The following PECR variants were observed in gnomAD, a reference collection of about 807,000 sequenced individuals.
The protein encoded by PECR is peroxisomal trans-2-enoyl-CoA reductase.
A neutral mutation model predicts 35.3 loss-of-function variants in PECR; 30 were observed. That is an observed-to-expected ratio of 0.85 (90% CI 0.64 to 1.15). The LOEUF (loss-of-function observed/expected upper bound fraction) is 1.15. PECR is among the 50% of genes most tolerant of loss of function. The pLI is 0.00. For synonymous variants in PECR, 148 were observed against 138.9 expected, an observed-to-expected ratio of 1.07 and a Z score of -0.46; for missense variants, 392 against 370.8, an observed-to-expected ratio of 1.06 and a Z score of -0.47.
At chr2:216,077,528 C>T (rs1005898227) in intron 1 of PECR, among the ~76,000 whole-genome samples, 2 of 149,194 alleles carry the variant, frequency 1.3e-5, no homozygotes, top group African/African-American at 5.0e-5. Flanking sequence ...ACATGCAGGG[C>T]CGGGTGCAGT....
Position 216,065,361 on chromosome 2 carries a change from G to C in PECR, c.375C>G (p.His125Gln). 1 of 1,611,312 alleles carries C rather than the reference G, an allele frequency of 6.2e-7. No homozygotes were observed. ...PAEHISSKGW[H>Q]AVLETNLTGT... ...CCGTCAGGTTGGTCTCAAGCACAGC[G>C]TGCCATCCCTTAGAACTGATGTGTT... Residue 125 changes from histidine to glutamine, a missense_variant, in exon 3 of 8, where the codon CAC becomes CAG. Transcript: ENST00000265322.
intron 1 of PECR, among the ~76,000 whole-genome samples, chr2:216,077,146 C>T (rs1245282181): frequency 6.6e-6 from 1 of 151,988 alleles, no homozygotes; most frequent in Non-Finnish European, 1.5e-5. Flanking sequence ...TGGCCGCCCA[C>T]CTCGGCCTCC....
chr2:216,068,769 C>G (rs115406634), intron 1 of PECR, among the ~76,000 whole-genome samples: 4,098 of 147,878 alleles, frequency 0.028, 73 homozygotes, highest in Non-Finnish European at 0.042. Flanking sequence ...TCCCGAGTAG[C>G]TGGGACCACA....
At chr2:216,037,651 T>C (rs1300837268), downstream of PECR, among the ~76,000 whole-genome samples, 1 of 152,116 alleles carries the variant, frequency 6.6e-6, no homozygotes, top group Non-Finnish European at 1.5e-5. Flanking sequence ...AACCTGACAA[T>C]GGAGAATAGC....
At chr2:216,074,492 AAAAG>A (rs1254284720) in intron 1 of PECR, among the ~76,000 whole-genome samples, 1 of 101,918 alleles carries the variant, frequency 9.8e-6, no homozygotes, top group African/African-American at 3.4e-5. Context: ...AAGAAAGAAA[AAAAG>A]GAAGGAAGGA....
At chr2:216,061,576 T>A (rs1695353537) in intron 3 of PECR, among the ~76,000 whole-genome samples, 1 of 152,054 alleles carries the variant, frequency 6.6e-6, no homozygotes, top group South Asian at 2.1e-4. Context: ...ATACCATATA[T>A]GAAGGGGTCT....
At chr2:216,034,491 C>T (rs1694762656), downstream of PECR, among the ~76,000 whole-genome samples, 2 of 152,174 alleles carry the variant, frequency 1.3e-5, no homozygotes, top group Admixed American at 1.3e-4. Flanking sequence ...CTTTCTTGGA[C>T]TGTACTGCAG....
At chr2:216,078,603 G>C (rs1203538873) in intron 1 of PECR, among the ~76,000 whole-genome samples, 1 of 148,760 alleles carries the variant, frequency 6.7e-6, no homozygotes, top group Admixed American at 6.7e-5. Flanking sequence ...AAAAAAAAAA[G>C]AAAAAGATTT....
intron 1 of PECR, among the ~76,000 whole-genome samples, chr2:216,072,732 T>C (rs1442416942): frequency 6.6e-6 from 1 of 152,232 alleles, no homozygotes; most frequent in African/African-American, 2.4e-5. Context: ...TAGTATTCCA[T>C]GGTATATATA....
intron 6 of PECR, among the ~76,000 whole-genome samples, chr2:216,048,095 G>C (rs1305225421): frequency 2.0e-5 from 3 of 150,146 alleles, no homozygotes; most frequent in African/African-American, 7.3e-5. Context: ...TATTTTTTGA[G>C]ATAGAGTCTT....
intron 1 of PECR, among the ~76,000 whole-genome samples, chr2:216,080,193 C>A (rs371226741): frequency 2.6e-5 from 4 of 151,750 alleles, no homozygotes; most frequent in Non-Finnish European, 5.9e-5. Flanking sequence ...GCGATTCTTG[C>A]GCCTCAACCT....
At chr2:216,070,958 T>A (rs574866398) in intron 1 of PECR, among the ~76,000 whole-genome samples, 1 of 152,240 alleles carries the variant, frequency 6.6e-6, no homozygotes, top group Admixed American at 6.5e-5. Flanking sequence ...TCCAGCGGTA[T>A]ACTGAGTTGA....
At chr2:216,075,387 T>C (rs1695678445) in intron 1 of PECR, among the ~76,000 whole-genome samples, 1 of 152,210 alleles carries the variant, frequency 6.6e-6, no homozygotes, top group African/African-American at 2.4e-5. Context: ...TACGTGTGTA[T>C]ACATGTGCAC....
chr2:216,040,873 A>AG (rs1438991023), intron 7 of PECR, among the ~76,000 whole-genome samples: 1 of 152,050 alleles, frequency 6.6e-6, no homozygotes, highest in African/African-American at 2.4e-5. Context: ...CTCTGTCTCA[A>AG]AAAAAAAGAA....
chr2:216,076,346 T>TGCCACCACATGTGCCAC (rs1379613221), intron 1 of PECR, among the ~76,000 whole-genome samples: 1 of 152,162 alleles, frequency 6.6e-6, no homozygotes, highest in African/African-American at 2.4e-5. Context: ...GCATGTGCCA[T>TGCCACCACATGTGCCAC]GCCACCACAT....
intron 5 of PECR, among the ~76,000 whole-genome samples, chr2:216,051,152 G>A (rs1695106416): frequency 2.0e-5 from 3 of 151,626 alleles, no homozygotes; most frequent in Admixed American, 6.6e-5. Context: ...TGGGCATGGT[G>A]GCTTGTGCCT....
chr2:216,037,026 A>G (rs1694804977), downstream of PECR, among the ~76,000 whole-genome samples: 1 of 152,106 alleles, frequency 6.6e-6, no homozygotes, highest in Admixed American at 6.6e-5. Flanking sequence ...TCCCTACTGT[A>G]AGCTCAGTAA....
At chr2:216,040,606 T>C (rs1264228995) in intron 7 of PECR, among the ~76,000 whole-genome samples, 1 of 152,118 alleles carries the variant, frequency 6.6e-6, no homozygotes, top group Admixed American at 6.5e-5. Context: ...CAGTGGCTCA[T>C]GCCTGTAATC....
At position 216,043,002 on chromosome 2, in the gene PECR, T is replaced by C. The variant is rs13010789; in HGVS notation, c.826+902A>G. On this transcript the variant is annotated intron_variant, in intron 7 of 7. Coordinates refer to ENST00000265322, the MANE Select transcript of PECR (RefSeq NM_018441.6). Reference sequence around the variant, plus strand: ...GTGTATATATATATACATACGTATATGTGTATATATATATACACATACGTA... The same window carrying C: ...GTGTATATATATATACATACGTATACGTGTATATATATATACACATACGTA... 3.9e-4 allele frequency among the ~76,000 whole-genome samples: 47 copies of C among 121,474 alleles called. 1 individual carries two copies. Among genetic ancestry groups the C allele is most frequent in the Non-Finnish European group, 7.8e-4 (42 of 53,696 alleles). The allele number at this position is 121,474 out of a possible 152,430, so 79.7% of individuals were successfully genotyped here.
Sources: allele counts gnomAD v4.1 joint callset (sites outside exome capture counted in the v4.1 genomes callset), GRCh38; gene constraint gnomAD v4.1.1; transcripts MANE v1.5; gene names NCBI Gene and HGNC (gene_info 2026-07-23, HGNC 2026-07-21).